The following PPIP5K2 variants were observed in gnomAD, a reference collection of about 807,000 sequenced individuals.
PPIP5K2 encodes inositol hexakisphosphate and diphosphoinositol-pentakisphosphate kinase 2.
In PPIP5K2, 105 loss-of-function variants were observed where a neutral mutation model predicts 154.6. That is an observed-to-expected ratio of 0.68 (90% CI 0.58 to 0.80). PPIP5K2 has a LOEUF of 0.80. Ranked by LOEUF, PPIP5K2 falls within the 30% of genes least tolerant of loss-of-function variation. The pLI is 0.00. For synonymous variants in PPIP5K2, 480 were observed against 490.3 expected, an observed-to-expected ratio of 0.98 and a Z score of 0.28; for missense variants, 992 against 1,504.6, an observed-to-expected ratio of 0.66 and a Z score of 5.64.
chr5:103,189,218 G>A (rs1328709709), intron 28 of PPIP5K2: 33 of 1,526,394 alleles, frequency 2.2e-5, no homozygotes, highest in Non-Finnish European at 2.8e-5. Flanking sequence ...GAATTTCTAG[G>A]CTCCAGTGGT....
rs1287912774 is a variant in PPIP5K2, at chr5:103,204,641, G to T, written c.*3007G>T. 1.3e-5 allele frequency: 2 copies of T among 152,244 alleles called. No homozygotes were observed. Among genetic ancestry groups the T allele is most frequent in the Middle Eastern group, 3.4e-3 (1 of 294 alleles). 9.4% of individuals were successfully genotyped at this position (152,244 alleles called of 1,614,324 possible). ...AATAATTTTTACACTCCTTCAGAAGGAGTCATTTGTGATTGGAGTCCACAT... is the reference window on the plus strand; with the variant it reads ...AATAATTTTTACACTCCTTCAGAAGTAGTCATTTGTGATTGGAGTCCACAT... On this transcript the variant is annotated 3_prime_UTR_variant, in exon 31 of 31. Transcript: ENST00000358359.
intron 14 of PPIP5K2, among the ~76,000 whole-genome samples, chr5:103,156,494 A>T (rs1484629619): frequency 6.6e-6 from 1 of 152,200 alleles, no homozygotes; most frequent in African/African-American, 2.4e-5. Flanking sequence ...AAATGCATTT[A>T]CCTTACAAAA....
rs1024012711 is a variant in PPIP5K2 at position 103,167,188 on chromosome 5, T to C, written c.1930T>C (p.Ser644Pro). ...TAEDYEKLTP[S>P]GSISLIKSMH... ...CTTTACTCATTTGTAGCTTACTCCATCTGGAAGCATTTCTCTTATCAAATC... is the reference window on the plus strand; with the variant it reads ...CTTTACTCATTTGTAGCTTACTCCACCTGGAAGCATTTCTCTTATCAAATC... The change falls in exon 18 of 31, where the codon TCT becomes CCT. Residue 644 changes from serine to proline, a missense_variant. Ser to Pro is a moderately conservative substitution (Grantham distance 74). Coordinates refer to ENST00000358359, the MANE Select transcript of PPIP5K2 (RefSeq NM_001276277.3). 1.3e-6 allele frequency: 2 copies of C among 1,562,622 alleles called. No individual in the cohort carries two copies. The highest frequency in any genetic ancestry group is 1.7e-6 in the Non-Finnish European group (2 of 1,152,920).
chr5:103,186,567 T>C, intron 27 of PPIP5K2, 128 bp downstream of exon 27: 1 of 1,282,860 alleles, frequency 7.8e-7, no homozygotes, highest in Non-Finnish European at 1.1e-6. Context: ...TTTGCCTAAA[T>C]GACTATCAGT....
At chr5:103,152,366 T>C (rs1304992483) in intron 9 of PPIP5K2, among the ~76,000 whole-genome samples, 1 of 151,966 alleles carries the variant, frequency 6.6e-6, no homozygotes, top group Non-Finnish European at 1.5e-5. Context: ...TGTAGTTAGA[T>C]GTGATGTAAT....
chr5:103,120,893 C>CT (rs1284185390), intron 1 of PPIP5K2: 2 of 166,492 alleles, frequency 1.2e-5, no homozygotes, highest in African/African-American at 4.8e-5. Context: ...ATCCCTCTCT[C>CT]TGTCAACCCC....
chr5:103,197,956 C>T (rs1234557605), intron 30 of PPIP5K2, among the ~76,000 whole-genome samples: 1 of 151,786 alleles, frequency 6.6e-6, no homozygotes, highest in African/African-American at 2.4e-5. Context: ...ATCCTACTTA[C>T]TTTGGGTTTA....
chr5:103,153,826 C>CAT, intron 10 of PPIP5K2, 22 bp from the exon 11 acceptor site: 1 of 1,509,820 alleles, frequency 6.6e-7, no homozygotes, highest in Non-Finnish European at 9.1e-7. Context: ...GAATTAAGAA[C>CAT]ATATATATTT....
intron 17 of PPIP5K2, among the ~76,000 whole-genome samples, chr5:103,160,975 A>G (rs1321155116): frequency 5.1e-5 from 7 of 137,574 alleles, no homozygotes; most frequent in African/African-American, 1.9e-4. Context: ...TTTTTAAATT[A>G]TACTTTAAGT....
rs1383711743 is a variant in PPIP5K2, at chr5:103,210,682, T to C, written c.*9048T>C. ...AATAACATACCCTAAAAGTTAGTAC[T>C]GATTCCCATTATCATGCTCTGTTGT... On this transcript the variant is annotated 3_prime_UTR_variant, in exon 31 of 31. Coordinates refer to ENST00000358359, the MANE Select transcript of PPIP5K2 (RefSeq NM_001276277.3). The C allele has an allele frequency of 3.9e-5, 6 of 152,128 alleles. No homozygotes were observed. Among genetic ancestry groups the C allele is most frequent in the African/African-American group, 1.4e-4 (6 of 41,432 alleles). 9.4% of individuals were successfully genotyped at this position (152,128 alleles called of 1,614,324 possible). A position where few individuals can be genotyped will look rare whatever the true frequency, so the allele number is the denominator to read the frequency against.
At chr5:103,150,451 G>A (rs569231606) in intron 8 of PPIP5K2, among the ~76,000 whole-genome samples, 2 of 152,182 alleles carry the variant, frequency 1.3e-5, no homozygotes, top group South Asian at 2.1e-4. Flanking sequence ...AGGTGTTCAC[G>A]AATATGTGGT....
At chr5:103,133,134 G>A (rs1330135269) in intron 2 of PPIP5K2, among the ~76,000 whole-genome samples, 1 of 152,150 alleles carries the variant, frequency 6.6e-6, no homozygotes, top group Admixed American at 6.5e-5. Flanking sequence ...ATACTTTACT[G>A]GTGTGAGGAG....
At position 103,136,760 on chromosome 5, in the gene PPIP5K2, T is replaced by C. The variant is rs1791575552; in HGVS notation, c.339T>C (p.Tyr113=). 6.2e-7 allele frequency: 1 copy of C among 1,613,744 alleles called. No homozygotes were observed. The highest frequency in any genetic ancestry group is 8.5e-7 in the Non-Finnish European group (1 of 1,179,724). ...KGFPLDKAVA[Y]AKLRNPFVIN... ...TTCCACTGGACAAAGCGGTTGCCTA[T>C]GCAAAACTCAGGAATCCATTTGTAA... The change falls in exon 4 of 31, where the codon TAT becomes TAC. Residue 113 remains tyrosine (Y), a synonymous_variant. Transcript: ENST00000358359.
At chr5:103,174,715 C>T (rs561762238) in intron 21 of PPIP5K2, among the ~76,000 whole-genome samples, 9 of 152,022 alleles carry the variant, frequency 5.9e-5, no homozygotes, top group South Asian at 2.1e-4. Flanking sequence ...ACTTCTGCTG[C>T]GCTCTCTTGG....
At position 103,201,577 on chromosome 5, in the gene PPIP5K2, T is replaced by C. The variant is rs1554230389; in HGVS notation, c.3675T>C (p.Asn1225=). 1 of 1,611,218 alleles carries C rather than the reference T, an allele frequency of 6.2e-7. No individual in the cohort carries two copies. Residue 1225 remains asparagine (N), a synonymous_variant, in exon 31 of 31, where the codon AAT becomes AAC. Transcript: ENST00000358359. ...VVPNTSSRKK[N]ITSKTETHEH... is the part of the protein sequence containing the mutation. ...CTAATACCTCATCTCGGAAAAAGAA[T>C]ATAACTAGCAAAACAGAAACGCATG... is the stretch of plus-strand genomic sequence containing the variant.
chr5:103,160,203 A>G (rs568596449), intron 17 of PPIP5K2, among the ~76,000 whole-genome samples: 1 of 152,186 alleles, frequency 6.6e-6, no homozygotes, highest in Non-Finnish European at 1.5e-5. Context: ...GATCTTATCT[A>G]TTGTGAACAG....
At position 103,182,471 on chromosome 5, in the gene PPIP5K2, T is replaced by C. The variant is rs113859661; in HGVS notation, c.2923-763T>C. ...TGAAGACTTTTTCCAGCGTCCATCA[T>C]CTCCATGGATATAAGAAGTTTGTAC... is the stretch of plus-strand genomic sequence containing the variant. On this transcript the variant is annotated intron_variant, in intron 24 of 30. Coordinates refer to ENST00000358359, the MANE Select transcript of PPIP5K2 (RefSeq NM_001276277.3). Among the ~76,000 whole-genome samples, 761 of 152,276 alleles carry C rather than the reference T, an allele frequency of 5.0e-3. 5 individuals carry two copies. Among genetic ancestry groups the C allele is most frequent in the African/African-American group, 0.018 (729 of 41,554 alleles).
intron 5 of PPIP5K2, among the ~76,000 whole-genome samples, chr5:103,139,194 T>C (rs782381744): frequency 2.0e-5 from 3 of 152,258 alleles, no homozygotes; most frequent in Non-Finnish European, 2.9e-5. Flanking sequence ...AATACGTGTT[T>C]GTCTTGAGTT....
intron 8 of PPIP5K2, among the ~76,000 whole-genome samples, chr5:103,149,546 A>G (rs1554210582): frequency 2.6e-5 from 4 of 152,198 alleles, no homozygotes. Flanking sequence ...ATAAAAATTC[A>G]GAAATGACTC....
Sources: gnomAD v4.1 joint callset for allele counts (sites outside exome capture counted in the v4.1 genomes callset) on GRCh38, gnomAD v4.1.1 for gene constraint, MANE v1.5 for transcripts, NCBI Gene and HGNC (gene_info 2026-07-23, HGNC 2026-07-21) for gene names.